The following RIMS2 variants were observed in gnomAD, a reference collection of about 807,000 sequenced individuals.
RIMS2 encodes regulating synaptic membrane exocytosis 2.
A neutral mutation model predicts 174.4 loss-of-function variants in RIMS2; 59 were observed. The observed-to-expected ratio is 0.34, with a 90% CI of 0.27 to 0.42. RIMS2 has a LOEUF of 0.42. RIMS2 is among the 10% of genes least tolerant of loss of function. The probability of loss-of-function intolerance (pLI) is 1.00; values close to 1 mark genes in which losing one functional copy is unlikely to be tolerated. For synonymous variants in RIMS2, 606 were observed against 572.5 expected, an observed-to-expected ratio of 1.06 and a Z score of -0.84; for missense variants, 1,620 against 1,666.3, an observed-to-expected ratio of 0.97 and a Z score of 0.48.
chr8:103,608,240 C>G lies in RIMS2; in HGVS notation c.177-88846C>G, dbSNP rs545530062. 6.3e-5 allele frequency among the ~76,000 whole-genome samples: 9 copies of G among 142,964 alleles called. No individual in the cohort carries two copies. The East Asian group carries it at 1.5e-3, about 25-fold the overall frequency. 93.8% of individuals were successfully genotyped at this position (142,964 alleles called of 152,430 possible). A position where few individuals can be genotyped will look rare whatever the true frequency, so the allele number is the denominator to read the frequency against. On this transcript the variant is annotated intron_variant, in intron 1 of 23. Transcript: ENST00000504942. ...ACAGACAGGACCCTCAGCTGCAGGT[C>G]TGTTGGAGTACTGGGCCCTGTGAGG...
At chr8:103,977,920 A>G (rs551213922) in intron 16 of RIMS2, among the ~76,000 whole-genome samples, 10 of 152,220 alleles carry the variant, frequency 6.6e-5, no homozygotes, top group Non-Finnish European at 1.5e-4. Flanking sequence ...AAAAGTTTCT[A>G]TGGAGTTTAA....
At chr8:103,732,214 A>G (rs2097608672) in intron 2 of RIMS2, among the ~76,000 whole-genome samples, 1 of 152,206 alleles carries the variant, frequency 6.6e-6, no homozygotes, top group East Asian at 1.9e-4. Context: ...TGCTGATGCC[A>G]TGGTGGTCTT....
chr8:103,962,701 G>C (rs894158067), intron 15 of RIMS2, among the ~76,000 whole-genome samples: 1 of 152,052 alleles, frequency 6.6e-6, no homozygotes, highest in African/African-American at 2.4e-5. Context: ...ACAGCTCACT[G>C]CATCCTCAAC....
chr8:103,687,126 A>G (rs902008940), intron 1 of RIMS2, among the ~76,000 whole-genome samples: 7 of 152,148 alleles, frequency 4.6e-5, no homozygotes, highest in African/African-American at 1.7e-4. Context: ...AAGTTATTTA[A>G]TGGATATAAA....
chr8:104,208,625 T>C (rs2099091804), intron 19 of RIMS2, among the ~76,000 whole-genome samples: 1 of 151,690 alleles, frequency 6.6e-6, no homozygotes, highest in Non-Finnish European at 1.5e-5. Context: ...CAGTATGACA[T>C]AACAAGAGAA....
At chr8:104,078,242 G>T (rs1022909872) in intron 19 of RIMS2, among the ~76,000 whole-genome samples, 1 of 150,468 alleles carries the variant, frequency 6.6e-6, no homozygotes, top group African/African-American at 2.4e-5. Flanking sequence ...ATTAATCTTC[G>T]ATTTTAAAAG....
rs905937881 is a variant in RIMS2, at chr8:103,942,890, C to G, written c.2665C>G (p.Gln889Glu). The G allele has an allele frequency of 1.9e-6, 3 of 1,613,310 alleles. No homozygotes were observed. In the African/African-American group the frequency reaches 4.0e-5, roughly 22 times the overall value. ...CCCTTCTCCATATATGCCACGAAGA[C>G]AGCTCCATGGAGAGAGCCCAACACG... Residue 889 changes from glutamine to glutamate, a missense_variant, in exon 14 of 24, where the codon CAG becomes GAG. This residue lies in a region of RIMS2 where 1,395 missense variants were observed against 1,360.1 expected (regional missense o/e 1.03). Coordinates refer to ENST00000504942, the Ensembl canonical transcript of RIMS2.
At chr8:104,025,343 G>T (rs754042575) in intron 19 of RIMS2, among the ~76,000 whole-genome samples, 2 of 151,920 alleles carry the variant, frequency 1.3e-5, no homozygotes, top group East Asian at 1.9e-4. Context: ...TAAAAATTAC[G>T]CAGGCATAGT....
intron 11 of RIMS2, among the ~76,000 whole-genome samples, chr8:103,930,101 G>A (rs913701972): frequency 4.6e-5 from 7 of 151,846 alleles, no homozygotes; most frequent in African/African-American, 1.7e-4. Context: ...GTATTTAGCA[G>A]CTAAATTGGT....
intron 1 of RIMS2, among the ~76,000 whole-genome samples, chr8:103,651,714 C>T (rs946343994): frequency 3.3e-5 from 5 of 151,920 alleles, no homozygotes; most frequent in Non-Finnish European, 7.4e-5. Flanking sequence ...TACCTGCCCT[C>T]CCCCACCTCC....
At chr8:103,924,954 G>T (rs1053908087) in intron 10 of RIMS2, among the ~76,000 whole-genome samples, 1 of 151,518 alleles carries the variant, frequency 6.6e-6, no homozygotes, top group Admixed American at 6.6e-5. Flanking sequence ...CAAGTAGGCT[G>T]TTTGTTAGCA....
intron 14 of RIMS2, among the ~76,000 whole-genome samples, chr8:103,952,205 G>A (rs968302568): frequency 1.3e-5 from 2 of 152,202 alleles, no homozygotes; most frequent in African/African-American, 4.8e-5. Context: ...TTCCTGCCTG[G>A]CAGCTCAGCT....
In RIMS2 at chr8:104,251,196, A is replaced by C. The variant is rs949512954; in HGVS notation, c.3831+33A>C. ...CTTAATTGTTTATCCCTTACCTAAG[A>C]AAGTATTTTTCATGGGGTCAGACAT... On this transcript the variant is annotated intron_variant, in intron 23 of 23. Coordinates refer to ENST00000504942, the Ensembl canonical transcript of RIMS2. 3.2e-6 allele frequency: 5 copies of C among 1,557,562 alleles called. No individual in the cohort carries two copies. The Admixed American group carries it at 7.4e-5, about 23-fold the overall frequency.
At chr8:103,615,245 C>T (rs1405517243) in intron 1 of RIMS2, among the ~76,000 whole-genome samples, 3 of 152,112 alleles carry the variant, frequency 2.0e-5, no homozygotes, top group Non-Finnish European at 4.4e-5. Context: ...TCAAAACCTA[C>T]ATGGAAATTA....
chr8:103,520,081 C>T (rs1830904262), intron 1 of RIMS2, among the ~76,000 whole-genome samples: 1 of 152,038 alleles, frequency 6.6e-6, no homozygotes. Flanking sequence ...ATCCTAGTTT[C>T]CCAGTTACTA....
chr8:103,995,126 G>A (rs1200575619), intron 17 of RIMS2, among the ~76,000 whole-genome samples: 1 of 151,856 alleles, frequency 6.6e-6, no homozygotes, highest in African/African-American at 2.4e-5. Context: ...TTCTGTTTAT[G>A]TTTCTAGAAT....
At chr8:104,220,156 C>T (rs762475458) in intron 19 of RIMS2, among the ~76,000 whole-genome samples, 41 of 151,920 alleles carry the variant, frequency 2.7e-4, no homozygotes, top group Non-Finnish European at 3.8e-4. Flanking sequence ...TACCTCTGTG[C>T]CAACACTCTT....
chr8:103,569,235 T>G (rs1374901888), intron 1 of RIMS2, among the ~76,000 whole-genome samples: 1 of 152,184 alleles, frequency 6.6e-6, no homozygotes, highest in East Asian at 1.9e-4. Context: ...GAGTCTAACT[T>G]CATTCTCTTG....
intron 19 of RIMS2, among the ~76,000 whole-genome samples, chr8:104,116,414 A>G (rs979093311): frequency 1.3e-5 from 2 of 152,166 alleles, no homozygotes; most frequent in Non-Finnish European, 2.9e-5. Flanking sequence ...ATCTTGCCCC[A>G]TGTGGAAATT....
Sources: gnomAD v4.1 joint callset for allele counts (sites outside exome capture counted in the v4.1 genomes callset) on GRCh38, gnomAD v4.1.1 for gene constraint, gnomAD v4.1.1 regional missense constraint, MANE v1.5 for transcripts, NCBI Gene and HGNC (gene_info 2026-07-23, HGNC 2026-07-21) for gene names.